The following PTPRD variants were observed in gnomAD, a reference collection of about 807,000 sequenced individuals.
The protein encoded by PTPRD is receptor-type tyrosine-protein phosphatase delta.
A neutral mutation model predicts 214.5 loss-of-function variants in PTPRD; 34 were observed. That is an observed-to-expected ratio of 0.16 (90% confidence interval 0.12 to 0.21). The LOEUF (loss-of-function observed/expected upper bound fraction) is 0.21. Ranked by LOEUF, PTPRD falls within the 10% of genes least tolerant of loss-of-function variation. The pLI, the probability that PTPRD is intolerant of heterozygous loss-of-function variation, is 1.00. For missense variants in PTPRD, 2,545 were observed against 2,398.7 expected, an observed-to-expected ratio of 1.06 and a Z score of -1.27; for synonymous variants, 1,128 against 845.7, an observed-to-expected ratio of 1.33 and a Z score of -5.79.
In PTPRD at chr9:9,664,173, G is replaced by A. The variant is rs1172732494; in HGVS notation, c.-287+70360C>T. ...CGTAAAGAGTCCCTTACACAGCCTGGCTTTAAAATTAAAATTAAAAAAATA... is the reference window on the plus strand; with the variant it reads ...CGTAAAGAGTCCCTTACACAGCCTGACTTTAAAATTAAAATTAAAAAAATA... On this transcript the variant is annotated intron_variant, in intron 7 of 45. Transcript: ENST00000381196. Among the ~76,000 whole-genome samples, 4 of 149,988 alleles carry A rather than the reference G, an allele frequency of 2.7e-5. No homozygotes were observed. In the South Asian group the frequency reaches 6.3e-4, roughly 23 times the overall value.
chr9:8,911,265 A>T lies in PTPRD; in HGVS notation c.-104+107432T>A, dbSNP rs115449520. 1.5e-3 allele frequency among the ~76,000 whole-genome samples: 222 copies of T among 152,314 alleles called. 1 individual carries two copies. The highest frequency in any genetic ancestry group is 5.1e-3 in the African/African-American group (210 of 41,564). On this transcript the variant is annotated intron_variant, in intron 11 of 45. Transcript: ENST00000381196. ...AGAGACATATAGACCATTAGAACCGAAGTGAGACTCCAGAAATAAACCCTC... is the reference window on the plus strand; with the variant it reads ...AGAGACATATAGACCATTAGAACCGTAGTGAGACTCCAGAAATAAACCCTC...
intron 3 of PTPRD, among the ~76,000 whole-genome samples, chr9:10,259,270 C>T (rs578186178): frequency 9.9e-5 from 15 of 152,160 alleles, no homozygotes; most frequent in African/African-American, 2.9e-4. Flanking sequence ...GTGATCAGCC[C>T]GCCTCGGCCT....
At chr9:8,805,566 C>T (rs990889849) in intron 11 of PTPRD, among the ~76,000 whole-genome samples, 3 of 151,166 alleles carry the variant, frequency 2.0e-5, no homozygotes, top group Non-Finnish European at 4.4e-5. Flanking sequence ...GATATCAATG[C>T]TATAATTTAC....
At chr9:9,327,968 G>A (rs2040689871) in intron 9 of PTPRD, among the ~76,000 whole-genome samples, 1 of 151,630 alleles carries the variant, frequency 6.6e-6, no homozygotes, top group African/African-American at 2.4e-5. Flanking sequence ...AATTTGTTTT[G>A]GGCAGCATTC....
chr9:9,694,553 G>A (rs952608723), intron 7 of PTPRD, among the ~76,000 whole-genome samples: 5 of 152,064 alleles, frequency 3.3e-5, no homozygotes, highest in Admixed American at 3.3e-4. Flanking sequence ...CTACCCTTCA[G>A]GATTGCGAGT....
At chr9:10,237,202 G>T (rs1413527523) in intron 3 of PTPRD, among the ~76,000 whole-genome samples, 2 of 151,576 alleles carry the variant, frequency 1.3e-5, no homozygotes, top group Non-Finnish European at 2.9e-5. Context: ...GGGAATCTTT[G>T]TACCATCCTC....
rs557063696 is a variant in PTPRD, at chr9:9,583,920, C to T, written c.-286-9139G>A. Among the ~76,000 whole-genome samples the T allele has an allele frequency of 5.9e-5, 9 of 152,122 alleles. 1 individual carries two copies. In the South Asian group the frequency reaches 1.7e-3, roughly 28 times the overall value. ...CCATGGTTGGCTACTTTAATCAAGC[C>T]GTGAAACTATCCTGTATTCTCTTCT... On this transcript the variant is annotated intron_variant, in intron 7 of 45. Coordinates refer to ENST00000381196, the MANE Select transcript of PTPRD (RefSeq NM_002839.4).
intron 6 of PTPRD, among the ~76,000 whole-genome samples, chr9:9,760,639 CACACACACACACACATAT>C (rs1233882719): frequency 5.8e-5 from 8 of 136,992 alleles, no homozygotes; most frequent in African/African-American, 2.3e-4. Flanking sequence ...CACACACACA[CACACACACACACACATAT>C]ATATATATAT....
At chr9:9,721,269 A>G (rs2097937673) in intron 7 of PTPRD, among the ~76,000 whole-genome samples, 1 of 152,202 alleles carries the variant, frequency 6.6e-6, no homozygotes, top group African/African-American at 2.4e-5. Flanking sequence ...TATAAAATGT[A>G]TGTTCATTCC....
At chr9:9,111,057 A>T (rs1258428449) in intron 10 of PTPRD, among the ~76,000 whole-genome samples, 1 of 152,090 alleles carries the variant, frequency 6.6e-6, no homozygotes, top group Non-Finnish European at 1.5e-5. Context: ...CATGGAGCTG[A>T]CAGTCCAACA....
At chr9:9,946,124 T>G (rs887967526) in intron 4 of PTPRD, among the ~76,000 whole-genome samples, 4 of 122,200 alleles carry the variant, frequency 3.3e-5, no homozygotes, top group African/African-American at 1.4e-4. Context: ...AAATCTGCCA[T>G]GCATACTAAA....
At chr9:9,422,401 A>G (rs2079140620) in intron 8 of PTPRD, among the ~76,000 whole-genome samples, 2 of 152,178 alleles carry the variant, frequency 1.3e-5, no homozygotes, top group South Asian at 4.1e-4. Flanking sequence ...AGCTTGTAGT[A>G]GACCAATCAC....
chr9:9,640,975 G>T lies in PTPRD; in HGVS notation c.-286-66194C>A, dbSNP rs539716807. 1.9e-3 allele frequency among the ~76,000 whole-genome samples: 282 copies of T among 150,542 alleles called. 7 individuals are homozygous for T. The highest frequency in any genetic ancestry group is 7.0e-3 in the Middle Eastern group (2 of 286). On this transcript the variant is annotated intron_variant, in intron 7 of 45. Transcript: ENST00000381196. ...ATCCAACTGGCTTACTGCCAAAATAGTTCTATGTGCCTAACAGGTAGTGAT... is the reference window on the plus strand; with the variant it reads ...ATCCAACTGGCTTACTGCCAAAATATTTCTATGTGCCTAACAGGTAGTGAT...
chr9:8,807,937 G>A (rs181312816), intron 11 of PTPRD, among the ~76,000 whole-genome samples: 2 of 152,244 alleles, frequency 1.3e-5, no homozygotes, highest in Admixed American at 1.3e-4. Flanking sequence ...ATTCAGTCTA[G>A]TGTACTCACT....
At chr9:8,470,460 T>C (rs1406397238) in intron 31 of PTPRD, among the ~76,000 whole-genome samples, 1 of 152,200 alleles carries the variant, frequency 6.6e-6, no homozygotes, top group Non-Finnish European at 1.5e-5. Flanking sequence ...TTTTGTCATT[T>C]GTTTTCTCTA....
chr9:10,357,649 T>A (rs930736346), intron 2 of PTPRD, among the ~76,000 whole-genome samples: 6 of 152,208 alleles, frequency 3.9e-5, no homozygotes, highest in Non-Finnish European at 8.8e-5. Context: ...ATATTTTTGT[T>A]TCTTTAAAGT....
intron 11 of PTPRD, among the ~76,000 whole-genome samples, chr9:8,988,491 T>A (rs1430286298): frequency 6.6e-6 from 1 of 152,094 alleles, no homozygotes; most frequent in African/African-American, 2.4e-5. Flanking sequence ...TAGGGTCAGA[T>A]AATAAAATGC....
Position 8,824,078 on chromosome 9 carries a change from T to A in PTPRD, c.-103-90132A>T, listed in dbSNP as rs1224107976. Among the ~76,000 whole-genome samples the A allele has an allele frequency of 3.3e-5, 5 of 152,190 alleles. No individual in the cohort carries two copies. In the East Asian group the frequency reaches 7.7e-4, roughly 23 times the overall value. On this transcript the variant is annotated intron_variant, in intron 11 of 45. Transcript: ENST00000381196. ...CCAGAGGTCACTCTTGTCGCCACTT[T>A]GGTGTTGGTGGGTTTTGGCTGGCTC...
chr9:9,987,469 G>C (rs145849174), intron 4 of PTPRD, among the ~76,000 whole-genome samples: 45 of 152,160 alleles, frequency 3.0e-4, no homozygotes, highest in African/African-American at 9.4e-4. Context: ...CAAAGAGAAG[G>C]CTTATGCAGA....
Sources: allele counts gnomAD v4.1 joint callset (sites outside exome capture counted in the v4.1 genomes callset), GRCh38; gene constraint gnomAD v4.1.1; transcripts MANE v1.5; gene names NCBI Gene and HGNC (gene_info 2026-07-23, HGNC 2026-07-21).